PAX1: variants seen among roughly 807,000 people sequenced by gnomAD.
PAX1 encodes the protein paired box 1.
Under a neutral mutation model 35.6 loss-of-function variants are expected in PAX1, and 18 were observed. That is an observed-to-expected ratio of 0.50 (90% CI 0.35 to 0.75). The LOEUF is 0.75. PAX1 is among the 30% of genes least tolerant of loss of function. The pLI is 0.01. For synonymous variants in PAX1, 397 were observed against 305.2 expected (o/e 1.30, Z -3.14); for missense variants, 760 against 661.5 (o/e 1.15, Z -1.63).
chr20:21,706,705 A>G lies in PAX1; in HGVS notation c.554A>G (p.Lys185Arg), dbSNP rs1985014299. The change falls in exon 2 of 5, where the codon AAG becomes AGG. Residue 185 changes from lysine (K) to arginine (R), a missense_variant. Lys to Arg is a conservative substitution (Grantham distance 26). Around this residue, in one of 3 missense-constraint regions of PAX1, gnomAD observed 490 missense variants for 428.4 expected, o/e 1.14. Transcript: ENST00000613128. The surrounding 1 kb of genome is among the most constrained non-coding windows in gnomAD (Gnocchi z 5.3). ...PNVVKHIRDYKQGDPGIFAWE... is the reference protein window; with the variant it reads ...PNVVKHIRDYRQGDPGIFAWE... ...GTGGTCAAGCACATCCGGGACTACA[A>G]GCAAGGAGACCCTGGCATCTTTGCC... 4 of 1,613,536 alleles carry G rather than the reference A, an allele frequency of 2.5e-6. No homozygotes were observed. Among genetic ancestry groups the G allele is most frequent in the Non-Finnish European group, 3.4e-6 (4 of 1,180,026 alleles).
At chr20:21,707,759 G>T (rs749648456) in intron 2 of PAX1, among the ~76,000 whole-genome samples, 4 of 152,160 alleles carry the variant, frequency 2.6e-5, no homozygotes, top group Non-Finnish European at 5.9e-5. Context: ...CTCCCCAGCT[G>T]CCAGCAGCTG....
rs1467599774 is a variant in PAX1, at chr20:21,707,058, G to C, written c.907G>C (p.Glu303Gln). The C allele has an allele frequency of 6.2e-7, 1 of 1,612,944 alleles. No individual in the cohort carries two copies. Among genetic ancestry groups the C allele is most frequent in the Non-Finnish European group, 8.5e-7 (1 of 1,180,036 alleles). ...SNILGIRTFM[E>Q]QTGALAGSEG... The stretch of plus-strand genomic sequence containing the variant: ...CATCCTGGGCATCCGGACGTTTATG[G>C]AGCAAACAGGTCAGTTGTGGCGGCC... The change falls in exon 2 of 5, where the codon GAG becomes CAG. Residue 303 changes from glutamate (E) to glutamine (Q), a missense_variant. Physicochemically the swap from Glu to Gln is conservative, Grantham distance 29. Around this residue, in one of 3 missense-constraint regions of PAX1, gnomAD observed 490 missense variants for 428.4 expected, o/e 1.14. Transcript: ENST00000613128.
chr20:21,714,313 T>C (rs1392712215), intron 4 of PAX1, among the ~76,000 whole-genome samples, 158 bp from the exon 5 acceptor site: 1 of 152,146 alleles, frequency 6.6e-6, no homozygotes, highest in Non-Finnish European at 1.5e-5. Context: ...CCACGGAAGC[T>C]TGGGGTCTCT....
chr20:21,708,764 GA>G, intron 3 of PAX1, 64 bp downstream of exon 3: 3 of 1,549,652 alleles, frequency 1.9e-6, no homozygotes, highest in Non-Finnish European at 1.8e-6. Context: ...GGCAAGTGGG[GA>G]AAAAGAGAGA....
rs1985335767 is a variant in PAX1 at position 21,715,358 on chromosome 20, T to C, written c.*796T>C. On this transcript the variant is annotated 3_prime_UTR_variant, in exon 5 of 5. Transcript: ENST00000613128. ...GTGGACAGAAAAGCCACAGCCTTTA[T>C]TTTGTATTTTTTTTGTAATAACAAA... is the stretch of plus-strand genomic sequence containing the variant. 6.5e-6 allele frequency: 1 copy of C among 154,636 alleles called. No homozygotes were observed. The highest frequency in any genetic ancestry group is 1.4e-5 in the Non-Finnish European group (1 of 69,774). The allele number at this position is 154,636 out of a possible 1,614,324, so 9.6% of individuals were successfully genotyped here.
rs1002353389 is a variant in PAX1 at position 21,705,988 on chromosome 20, G to C, written c.276G>C (p.Pro92=). Residue 92 remains proline, a synonymous_variant, in exon 1 of 5, where the codon CCG becomes CCC. Transcript: ENST00000613128. ...CCGGCGCCAGGCAGCTGGCCGGCCC[G>C]CTCGCTATGGGTAAGGGGCGGGCGA... The part of the protein sequence containing the change: ...GHPGARQLAG[P]LAMEQTYGEV... 2.7e-6 allele frequency: 4 copies of C among 1,474,848 alleles called. No homozygotes were observed. Among genetic ancestry groups the C allele is most frequent in the South Asian group, 1.3e-5 (1 of 74,228 alleles). 91.4% of individuals were successfully genotyped at this position (1,474,848 alleles called of 1,614,324 possible).
Position 21,715,981 on chromosome 20 carries a change from T to C in PAX1, c.*1419T>C, listed in dbSNP as rs1480907827. 1 of 152,096 alleles carries C rather than the reference T, an allele frequency of 6.6e-6. No homozygotes were observed. Among genetic ancestry groups the C allele is most frequent in the Non-Finnish European group, 1.5e-5 (1 of 68,070 alleles). The allele number at this position is 152,096 out of a possible 1,614,324, so 9.4% of individuals were successfully genotyped here. On this transcript the variant is annotated 3_prime_UTR_variant, in exon 5 of 5. Coordinates refer to ENST00000613128, the MANE Select transcript of PAX1 (RefSeq NM_001257096.2). Reference sequence around the variant, plus strand: ...TGAATAAAGGAAAGCGTCTGAAAGGTGTGTGGTGAGGTGAGCAAGTCTGTT... The same window carrying C: ...TGAATAAAGGAAAGCGTCTGAAAGGCGTGTGGTGAGGTGAGCAAGTCTGTT...
chr20:21,710,006 T>C (rs1192585767), intron 4 of PAX1, among the ~76,000 whole-genome samples: 4 of 144,526 alleles, frequency 2.8e-5, no homozygotes, highest in African/African-American at 1.0e-4. Context: ...AAATACACAC[T>C]GTGGGAAAGT....
rs759082809 is a variant in PAX1, at chr20:21,714,573, C to T, written c.*11C>T. 2.0e-5 allele frequency: 31 copies of T among 1,582,282 alleles called. No individual in the cohort carries two copies. Among genetic ancestry groups the T allele is most frequent in the South Asian group, 3.4e-5 (3 of 87,336 alleles). On this transcript the variant is annotated 3_prime_UTR_variant, in exon 5 of 5. Transcript: ENST00000613128. ...GCCTCGACCTCCTAGGGGCAGCTCT[C>T]CCCGGACCCGAGCCCGGAGGGAACG...
chr20:21,708,393 G>C, intron 2 of PAX1, 165 bp from the exon 3 acceptor site: 3 of 825,662 alleles, frequency 3.6e-6, no homozygotes, highest in South Asian at 1.3e-5. Flanking sequence ...CCCACCCGGA[G>C]TGGTGAACAT....
At chr20:21,713,318 C>G (rs2122146869) in intron 4 of PAX1, among the ~76,000 whole-genome samples, 1 of 152,154 alleles carries the variant, frequency 6.6e-6, no homozygotes, top group African/African-American at 2.4e-5. Context: ...AGGGGCCGCT[C>G]TGTCCTGGGA....
chr20:21,705,973 G>A lies in PAX1; in HGVS notation c.261G>A (p.Arg87=), dbSNP rs1304101382. ...SPGHPGHPGA[R]QLAGPLAMEQ... ...GCCACCCCGGCCACCCCGGCGCCAG[G>A]CAGCTGGCCGGCCCGCTCGCTATGG... is the stretch of plus-strand genomic sequence containing the variant. Residue 87 remains arginine (R), a synonymous_variant, in exon 1 of 5, where the codon AGG becomes AGA. Coordinates refer to ENST00000613128, the MANE Select transcript of PAX1 (RefSeq NM_001257096.2). 2.0e-6 allele frequency: 3 copies of A among 1,486,174 alleles called. No homozygotes were observed. The highest frequency in any genetic ancestry group is 4.7e-5 in the Admixed American group (2 of 43,002). 92.1% of individuals were successfully genotyped at this position (1,486,174 alleles called of 1,614,324 possible). A position where few individuals can be genotyped will look rare whatever the true frequency, so the allele number is the denominator to read the frequency against.
chr20:21,705,938 C>A lies in PAX1; in HGVS notation c.226C>A (p.Pro76Thr). ...GAQALPDCAG[P>T]SPGHPGHPGA... ...CCAAGCTCTCCCGGACTGCGCCGGG[C>A]CCAGCCCCGGCCACCCCGGCCACCC... The change falls in exon 1 of 5, where the codon CCC becomes ACC. Residue 76 changes from proline to threonine, a missense_variant. Pro to Thr is a conservative substitution (Grantham distance 38). Around this residue, in one of 3 missense-constraint regions of PAX1, gnomAD observed 222 missense variants for 153.0 expected, o/e 1.45. Transcript: ENST00000613128. 2.0e-6 allele frequency: 3 copies of A among 1,483,746 alleles called. No homozygotes were observed. Among genetic ancestry groups the A allele is most frequent in the Non-Finnish European group, 2.7e-6 (3 of 1,124,510 alleles). The allele number at this position is 1,483,746 out of a possible 1,614,324, so 91.9% of individuals were successfully genotyped here.
chr20:21,707,848 A>G (rs1172616194), intron 2 of PAX1, among the ~76,000 whole-genome samples: 3 of 152,182 alleles, frequency 2.0e-5, no homozygotes, highest in African/African-American at 7.2e-5. Context: ...CTAGGAGGAA[A>G]GAGTGGTGGC....
chr20:21,709,552 T>C, intron 4 of PAX1, 108 bp downstream of exon 4: 1 of 828,132 alleles, frequency 1.2e-6, no homozygotes, highest in East Asian at 2.7e-5. Flanking sequence ...AAGAGGTGGG[T>C]CCTGGGCATG....
intron 2 of PAX1, chr20:21,708,128 C>T (rs547944119): frequency 6.5e-6 from 2 of 309,162 alleles, no homozygotes; most frequent in South Asian, 3.2e-5. Context: ...AAACCCTGGG[C>T]GTTTCCAGAG....
intron 2 of PAX1, 29 bp from the exon 3 acceptor site, chr20:21,708,529 C>T (rs370029814): frequency 1.9e-6 from 3 of 1,612,456 alleles, no homozygotes; most frequent in Middle Eastern, 1.9e-4. Flanking sequence ...TTCGGAGGCA[C>T]CTTTTAATCC....
chr20:21,715,009 AG>A lies in PAX1; in HGVS notation c.*450del, dbSNP rs1985323394. 1.6e-6 allele frequency: 1 copy of A among 636,352 alleles called. No individual in the cohort carries two copies. The highest frequency in any genetic ancestry group is 1.8e-5 in the South Asian group (1 of 54,490). The allele number at this position is 636,352 out of a possible 1,614,324, so 39.4% of individuals were successfully genotyped here. On this transcript the variant is annotated 3_prime_UTR_variant, in exon 5 of 5. Coordinates refer to ENST00000613128, the MANE Select transcript of PAX1 (RefSeq NM_001257096.2). ...CCACCCCGGCTTTCCCCGACCTTCC[AG>A]GGCTCCCTCTGCCCTTCCACTCTCT...
In PAX1 at chr20:21,706,326, T is replaced by G; in HGVS notation, c.287-112T>G. On this transcript the variant is annotated intron_variant, in intron 1 of 4. Coordinates refer to ENST00000613128, the MANE Select transcript of PAX1 (RefSeq NM_001257096.2). This position sits in a 1 kb window ranked among gnomAD's most constrained non-coding sequence, Gnocchi z 5.3. The stretch of plus-strand genomic sequence containing the variant: ...TCCGAGCTGTCTGGGGACCCACAGG[T>G]CACCTTTGGAAGTGCGCCTGGGTGC... 1 of 1,415,138 alleles carries G rather than the reference T, an allele frequency of 7.1e-7. No homozygotes were observed. The highest frequency in any genetic ancestry group is 9.9e-7 in the Non-Finnish European group (1 of 1,013,258). 87.7% of individuals were successfully genotyped at this position (1,415,138 alleles called of 1,614,324 possible). A position where few individuals can be genotyped will look rare whatever the true frequency, so the allele number is the denominator to read the frequency against.
Sources: allele counts gnomAD v4.1 joint callset (sites outside exome capture counted in the v4.1 genomes callset), GRCh38; gene constraint gnomAD v4.1.1; regional missense constraint gnomAD v4.1.1; non-coding constraint Gnocchi (gnomAD v3.1); transcripts MANE v1.5; gene names NCBI Gene and HGNC (gene_info 2026-07-23, HGNC 2026-07-21).